Variants in RMC1 observed in about 807,000 individuals in gnomAD.
The protein encoded by RMC1 is regulator of MON1-CCZ1 complex.
In RMC1, 44 loss-of-function variants were observed where a neutral mutation model predicts 95.5. That is an observed-to-expected ratio of 0.46 (90% CI 0.36 to 0.59). The LOEUF (loss-of-function observed/expected upper bound fraction) is 0.59, where lower values mean the gene tolerates loss of function less well. Among genes scored for constraint, RMC1 ranks in the 20% least tolerant of loss-of-function variants. The pLI is 0.00. For synonymous variants in RMC1, 320 were observed against 303.6 expected, an observed-to-expected ratio of 1.05 and a Z score of -0.56; for missense variants, 705 against 819.6, an observed-to-expected ratio of 0.86 and a Z score of 1.71.
intron 2 of RMC1, among the ~76,000 whole-genome samples, chr18:23,505,887 C>T (rs2057702173): frequency 6.6e-6 from 1 of 152,098 alleles, no homozygotes; most frequent in South Asian, 2.1e-4. Flanking sequence ...AGTTTTTAGA[C>T]TGGGCGCGGT....
At chr18:23,525,541 C>T (rs1460245577) in intron 12 of RMC1, among the ~76,000 whole-genome samples, 1 of 152,210 alleles carries the variant, frequency 6.6e-6, no homozygotes, top group Non-Finnish European at 1.5e-5. Context: ...TCTCCTGCCT[C>T]AGCCTCCCCA....
chr18:23,507,080 A>C (rs918957576), intron 3 of RMC1, 26 bp downstream of exon 3: 1 of 1,425,210 alleles, frequency 7.0e-7, no homozygotes, highest in African/African-American at 1.4e-5. Context: ...AAAATACAGC[A>C]TTAAAGGGCA....
At position 23,503,540 on chromosome 18, in the gene RMC1, C is replaced by T; in HGVS notation, c.-79C>T. ...CCGCAGCCGCAGCCGCCGCTACAGT[C>T]CGGGCCGGGCTCCACCGCGCATCCT... is the stretch of plus-strand genomic sequence containing the variant. On this transcript the variant is annotated 5_prime_UTR_variant, in exon 1 of 20. Coordinates refer to ENST00000269221, the MANE Select transcript of RMC1 (RefSeq NM_013326.5). 1 of 1,048,052 alleles carries T rather than the reference C, an allele frequency of 9.5e-7. No homozygotes were observed. Among genetic ancestry groups the T allele is most frequent in the Non-Finnish European group, 1.3e-6 (1 of 774,304 alleles). The allele number at this position is 1,048,052 out of a possible 1,614,324, so 64.9% of individuals were successfully genotyped here. A position where few individuals can be genotyped will look rare whatever the true frequency, so the allele number is the denominator to read the frequency against.
rs10221356 is a variant in RMC1 at position 23,509,111 on chromosome 18, T to C, written c.322-82T>C. The C allele has an allele frequency of 9.9e-4, 455 of 461,506 alleles. 3 individuals carry two copies. Among genetic ancestry groups the C allele is most frequent in the African/African-American group, 8.6e-3 (422 of 49,252 alleles). 28.6% of individuals were successfully genotyped at this position (461,506 alleles called of 1,614,324 possible). ...GAACGTTCATTAAAGAATGACAAACTGCAGAGTTTGTGAAGCTTTTGAAGA... is the reference window on the plus strand; with the variant it reads ...GAACGTTCATTAAAGAATGACAAACCGCAGAGTTTGTGAAGCTTTTGAAGA... On this transcript the variant is annotated intron_variant, in intron 4 of 19. Transcript: ENST00000269221.
At chr18:23,510,658 A>T (rs946711795) in intron 5 of RMC1, among the ~76,000 whole-genome samples, 3 of 152,214 alleles carry the variant, frequency 2.0e-5, no homozygotes, top group African/African-American at 7.2e-5. Flanking sequence ...AAAAAAAAAA[A>T]GTGGGCAAAG....
rs770388294 is a variant in RMC1, at chr18:23,503,583, G to T, written c.-36G>T. 6 of 1,501,940 alleles carry T rather than the reference G, an allele frequency of 4.0e-6. No homozygotes were observed. The South Asian group carries it at 7.2e-5, about 18-fold the overall frequency. 93.0% of individuals were successfully genotyped at this position (1,501,940 alleles called of 1,614,324 possible). ...CGCATCCTGCTCCACTCTGGCGACC[G>T]CCCCCGGGGCCCCCGCCGCGGGCGC... is the stretch of plus-strand genomic sequence containing the variant. On this transcript the variant is annotated 5_prime_UTR_variant, in exon 1 of 20. Transcript: ENST00000269221.
At chr18:23,531,230 C>G (rs1439352201) in intron 19 of RMC1, among the ~76,000 whole-genome samples, 1 of 152,056 alleles carries the variant, frequency 6.6e-6, no homozygotes, top group African/African-American at 2.4e-5. Flanking sequence ...ACCTCATGAT[C>G]CGCCTGCCTC....
At chr18:23,526,790 T>A (rs1353979650) in intron 13 of RMC1, 25 bp downstream of exon 13, 2 of 1,611,830 alleles carry the variant, frequency 1.2e-6, no homozygotes, top group East Asian at 4.5e-5. Flanking sequence ...TCCCCCTTGC[T>A]CTGATTCCAG....
chr18:23,530,050 T>A lies in RMC1; in HGVS notation c.1517T>A (p.Ile506Asn). ...CAGCATTACCTACATGAACTTGTTATCAAAACCCTTGTCCAGCACAACCTC... is the reference window on the plus strand; with the variant it reads ...CAGCATTACCTACATGAACTTGTTAACAAAACCCTTGTCCAGCACAACCTC... Reference protein sequence around the residue: ...AVQHYLHELVIKTLVQHNLFY... With the variant: ...AVQHYLHELVNKTLVQHNLFY... The change falls in exon 17 of 20, where the codon ATC (isoleucine) becomes AAC (asparagine). Residue 506 changes from isoleucine to asparagine, a missense_variant. Coordinates refer to ENST00000269221, the MANE Select transcript of RMC1 (RefSeq NM_013326.5). 1.9e-6 allele frequency: 3 copies of A among 1,614,186 alleles called. No homozygotes were observed. Among genetic ancestry groups the A allele is most frequent in the Non-Finnish European group, 2.5e-6 (3 of 1,179,992 alleles).
At chr18:23,506,766 A>G in intron 2 of RMC1, 1 of 462,020 alleles carries the variant, frequency 2.2e-6, no homozygotes, top group Non-Finnish European at 3.9e-6. Context: ...GTTACCCATA[A>G]TACTGTAAGT....
intron 14 of RMC1, 86 bp from the exon 15 acceptor site, chr18:23,529,093 A>C (rs980265862): frequency 6.5e-7 from 1 of 1,528,424 alleles, no homozygotes; most frequent in Non-Finnish European, 8.8e-7. Flanking sequence ...GTCCACATCG[A>C]AGAATTCAGT....
intron 10 of RMC1, among the ~76,000 whole-genome samples, 179 bp from the exon 11 acceptor site, chr18:23,523,951 C>T (rs144542781): frequency 0.011 from 1,750 of 152,294 alleles, 37 homozygotes; most frequent in African/African-American, 0.04. Flanking sequence ...TTGTTAGCTC[C>T]TTCCCCCTTC....
In RMC1 at chr18:23,529,616, C is replaced by G; in HGVS notation, c.1417-19C>G. 6.2e-7 allele frequency: 1 copy of G among 1,606,854 alleles called. No homozygotes were observed. The highest frequency in any genetic ancestry group is 8.5e-7 in the Non-Finnish European group (1 of 1,173,610). ...TGCACCTCGTTGGTATTTGTAAGAC[C>G]ACATTTTTTTCTCCCTAGGAGATGC... is the stretch of plus-strand genomic sequence containing the variant. On this transcript the variant is annotated intron_variant, in intron 15 of 19. Transcript: ENST00000269221.
chr18:23,507,234 A>C (rs1284119126), intron 3 of RMC1, among the ~76,000 whole-genome samples, 180 bp downstream of exon 3: 2 of 152,230 alleles, frequency 1.3e-5, no homozygotes, highest in Admixed American at 6.5e-5. Flanking sequence ...TGGGTTAAAA[A>C]AATGACCTTA....
chr18:23,527,439 G>A (rs1240620439), intron 13 of RMC1, among the ~76,000 whole-genome samples: 1 of 151,692 alleles, frequency 6.6e-6, no homozygotes, highest in African/African-American at 2.4e-5. Context: ...AATATGTGCT[G>A]TTGGTGTTTG....
intron 12 of RMC1, 106 bp downstream of exon 12, chr18:23,524,588 C>T (rs751488080): frequency 6.9e-6 from 8 of 1,165,880 alleles, no homozygotes; most frequent in African/African-American, 1.6e-5. Flanking sequence ...GAAATGACCC[C>T]TCCTTTCAAG....
At chr18:23,514,064 G>T (rs1192737426) in intron 5 of RMC1, among the ~76,000 whole-genome samples, 4 of 152,126 alleles carry the variant, frequency 2.6e-5, no homozygotes, top group Non-Finnish European at 5.9e-5. Context: ...ATGCTTCTGA[G>T]ATCTCTAAGG....
intron 5 of RMC1, among the ~76,000 whole-genome samples, chr18:23,514,398 A>G (rs2057943984): frequency 6.6e-6 from 1 of 152,178 alleles, no homozygotes; most frequent in Non-Finnish European, 1.5e-5. Flanking sequence ...TCAAAATAAA[A>G]ATACAAAAAT....
chr18:23,525,727 AT>A (rs975127201), intron 12 of RMC1, among the ~76,000 whole-genome samples: 4 of 149,322 alleles, frequency 2.7e-5, no homozygotes, highest in South Asian at 2.1e-4. Context: ...CCGGCCTATA[AT>A]TTTTTTTTTG....
Sources: allele counts gnomAD v4.1 joint callset (sites outside exome capture counted in the v4.1 genomes callset), GRCh38; gene constraint gnomAD v4.1.1; transcripts MANE v1.5; gene names NCBI Gene and HGNC (gene_info 2026-07-23, HGNC 2026-07-21).